SNX29: variants seen among roughly 807,000 people sequenced by gnomAD.
SNX29 encodes sorting nexin 29.
In SNX29, 78 loss-of-function variants were observed where a neutral mutation model predicts 102.1. The observed-to-expected ratio is 0.76, with a 90% CI of 0.64 to 0.92. The LOEUF (loss-of-function observed/expected upper bound fraction) is 0.92, where lower values mean the gene tolerates loss of function less well. Among genes scored for constraint, SNX29 ranks in the 40% least tolerant of loss-of-function variants. SNX29 has a pLI of 0.00. For missense variants in SNX29, 1,280 were observed against 1,061.7 expected (o/e 1.21, Z -2.86); for synonymous variants, 580 against 414.5 (o/e 1.40, Z -4.85).
At chr16:12,542,178 G>A (rs1358134274) in intron 20 of SNX29, among the ~76,000 whole-genome samples, 6 of 152,162 alleles carry the variant, frequency 3.9e-5, no homozygotes, top group Admixed American at 1.3e-4. Context: ...CAGGCCCTGT[G>A]CTAAGCCTTT....
intron 18 of SNX29, among the ~76,000 whole-genome samples, chr16:12,475,145 C>T (rs1016590705): frequency 2.0e-5 from 3 of 152,172 alleles, no homozygotes; most frequent in African/African-American, 7.2e-5. Flanking sequence ...AAATGAATGG[C>T]CAGAAAGGTT....
At chr16:12,502,160 T>A (rs2089156802) in intron 19 of SNX29, among the ~76,000 whole-genome samples, 1 of 152,156 alleles carries the variant, frequency 6.6e-6, no homozygotes, top group Non-Finnish European at 1.5e-5. Flanking sequence ...AAGCTGCAAC[T>A]CAAACTAGGG....
chr16:12,565,556 C>T lies in SNX29; in HGVS notation c.2319-2950C>T, dbSNP rs1031220493. 8.5e-5 allele frequency among the ~76,000 whole-genome samples: 13 copies of T among 152,114 alleles called. No homozygotes were observed. In the East Asian group the frequency reaches 2.3e-3, roughly 27 times the overall value. On this transcript the variant is annotated intron_variant, in intron 20 of 20. Coordinates refer to ENST00000566228, the MANE Select transcript of SNX29 (RefSeq NM_032167.5). ...CTCGAGGATTGAACCATCCCTGTGT[C>T]ACAGAAGCCTACTGTCACACCCTCA... is the stretch of plus-strand genomic sequence containing the variant.
intron 14 of SNX29, among the ~76,000 whole-genome samples, chr16:12,237,368 T>A (rs1232494846): frequency 6.6e-6 from 1 of 152,226 alleles, no homozygotes; most frequent in Non-Finnish European, 1.5e-5. Context: ...TTTATGCGCT[T>A]ATCTCTAAGC....
chr16:12,568,365 A>G, intron 20 of SNX29, 141 bp from the exon 21 acceptor site: 2 of 1,130,248 alleles, frequency 1.8e-6, no homozygotes, highest in Non-Finnish European at 2.5e-6. Context: ...TTCAGGTGGC[A>G]CCAGTTAGAG....
chr16:12,212,903 C>T (rs2077224834), intron 14 of SNX29, among the ~76,000 whole-genome samples: 1 of 152,144 alleles, frequency 6.6e-6, no homozygotes, highest in East Asian at 1.9e-4. Flanking sequence ...CACCTGCGGT[C>T]AGGAATTTGA....
chr16:12,120,684 G>A (rs1230045887), intron 11 of SNX29, among the ~76,000 whole-genome samples: 6 of 152,126 alleles, frequency 3.9e-5, no homozygotes, highest in Admixed American at 1.3e-4. Flanking sequence ...TTTATGTTTG[G>A]GTCCCTGGGG....
rs552037719 is a variant in SNX29 at position 12,296,174 on chromosome 16, T to C, written c.1782+18138T>C. The stretch of plus-strand genomic sequence containing the variant: ...GCTCTGGCTCGGGAGGAGAGGGAGA[T>C]AACAGATCTCAGTTTCTCTGTAAAT... On this transcript the variant is annotated intron_variant, in intron 15 of 20. Transcript: ENST00000566228. Among the ~76,000 whole-genome samples the C allele has an allele frequency of 1.8e-4, 27 of 152,350 alleles. No homozygotes were observed. In the South Asian group the frequency reaches 1.9e-3, roughly 11 times the overall value.
intron 3 of SNX29, among the ~76,000 whole-genome samples, chr16:12,019,440 C>T (rs1404298415): frequency 3.3e-5 from 5 of 152,034 alleles, no homozygotes; most frequent in Non-Finnish European, 4.4e-5. Context: ...CTCTTGACCT[C>T]GTGATCTGCC....
chr16:12,242,916 A>C (rs2078155110), intron 14 of SNX29, among the ~76,000 whole-genome samples: 1 of 151,984 alleles, frequency 6.6e-6, no homozygotes, highest in Non-Finnish European at 1.5e-5. Context: ...CCAAAGTGCT[A>C]GGATTGCAGG....
At chr16:12,151,974 A>G (rs2055321501) in intron 13 of SNX29, among the ~76,000 whole-genome samples, 1 of 152,158 alleles carries the variant, frequency 6.6e-6, no homozygotes, top group Non-Finnish European at 1.5e-5. Flanking sequence ...ACCTCAGGTG[A>G]TCCTGAGGCC....
At chr16:12,317,407 A>G (rs964760240) in intron 15 of SNX29, among the ~76,000 whole-genome samples, 8 of 152,270 alleles carry the variant, frequency 5.3e-5, no homozygotes, top group South Asian at 4.2e-4. Context: ...TGTCCTTACA[A>G]TGGGGCTTAA....
intron 18 of SNX29, among the ~76,000 whole-genome samples, chr16:12,409,153 G>A (rs887363785): frequency 6.6e-6 from 1 of 152,210 alleles, no homozygotes; most frequent in East Asian, 1.9e-4. Flanking sequence ...AGGCTGTGCT[G>A]ATGCGTGGCT....
At chr16:12,397,311 C>G (rs1156725425) in intron 16 of SNX29, among the ~76,000 whole-genome samples, 1 of 152,162 alleles carries the variant, frequency 6.6e-6, no homozygotes, top group Non-Finnish European at 1.5e-5. Flanking sequence ...GCTGACTTTT[C>G]CTGTTTGCTG....
chr16:12,472,202 A>G (rs544772421), intron 18 of SNX29, among the ~76,000 whole-genome samples: 29 of 150,068 alleles, frequency 1.9e-4, no homozygotes, highest in African/African-American at 6.7e-4. Context: ...AGGAGCACAC[A>G]CTGGTTCCGT....
At chr16:12,454,741 A>G (rs7195013) in intron 18 of SNX29, among the ~76,000 whole-genome samples, 103,957 of 151,302 alleles carry the variant, frequency 0.69, 36,565 homozygotes, top group African/African-American at 0.84. Context: ...ATTTTTTGAG[A>G]TGGAGTCTCA....
At position 12,520,583 on chromosome 16, in the gene SNX29, A is replaced by G. The variant is rs562119960; in HGVS notation, c.2179-4119A>G. Among the ~76,000 whole-genome samples the G allele has an allele frequency of 2.0e-3, 303 of 152,314 alleles. 2 individuals are homozygous for G. The highest frequency in any genetic ancestry group is 3.4e-3 in the Middle Eastern group (1 of 294). Reference sequence around the variant, plus strand: ...ACAGACATCAATGGATAAAGAAAATATGGTTTATATACACCATGGAATACT... The same window carrying G: ...ACAGACATCAATGGATAAAGAAAATGTGGTTTATATACACCATGGAATACT... On this transcript the variant is annotated intron_variant, in intron 19 of 20. Transcript: ENST00000566228.
At chr16:12,172,204 G>C (rs2076164768) in intron 13 of SNX29, among the ~76,000 whole-genome samples, 1 of 152,178 alleles carries the variant, frequency 6.6e-6, no homozygotes, top group South Asian at 2.1e-4. Flanking sequence ...CAGCTGAGAA[G>C]TAGGCCACGT....
intron 15 of SNX29, chr16:12,297,327 A>G (rs1468561016): frequency 6.6e-6 from 1 of 152,376 alleles, no homozygotes. Flanking sequence ...AAGTAATGCC[A>G]GTAGGATGTA....
Sources: gnomAD v4.1 joint callset for allele counts (sites outside exome capture counted in the v4.1 genomes callset) on GRCh38, gnomAD v4.1.1 for gene constraint, MANE v1.5 for transcripts, NCBI Gene and HGNC (gene_info 2026-07-23, HGNC 2026-07-21) for gene names.